KLHL26: variants seen among roughly 807,000 people sequenced by gnomAD.
KLHL26 encodes the protein kelch-like protein 26.
Under a neutral mutation model 7.1 loss-of-function variants are expected in KLHL26, and 4 were observed. The ratio of observed to expected loss-of-function variants is 0.56; its 90% CI spans 0.28 to 1.28. The LOEUF (loss-of-function observed/expected upper bound fraction) is 1.28. KLHL26 is among the 50% of genes most tolerant of loss of function. KLHL26 has a pLI of 0.11. For synonymous variants in KLHL26, 465 were observed against 414.1 expected, an observed-to-expected ratio of 1.12 and a Z score of -1.49; for missense variants, 896 against 924.6, an observed-to-expected ratio of 0.97 and a Z score of 0.40.
chr19:18,668,062 C>T lies in KLHL26; in HGVS notation c.665C>T (p.Ala222Val), dbSNP rs1331675467. ...FLQSNRLQSC[A>V]EIDLFRAAVR... Reference sequence around the variant, plus strand: ...CAGAGCAACCGGCTGCAGAGCTGTGCCGAGATCGACCTGTTCCGCGCGGCC... The same window carrying T: ...CAGAGCAACCGGCTGCAGAGCTGTGTCGAGATCGACCTGTTCCGCGCGGCC... Residue 222 changes from alanine (A) to valine (V), a missense_variant, in exon 3 of 3, where the codon GCC becomes GTC. Ala to Val is a moderately conservative substitution (Grantham distance 64). Coordinates refer to ENST00000300976, the MANE Select transcript of KLHL26 (RefSeq NM_018316.3). The T allele has an allele frequency of 1.9e-6, 3 of 1,607,172 alleles. No individual in the cohort carries two copies. In the South Asian group the frequency reaches 3.3e-5, roughly 18 times the overall value.
intron 1 of KLHL26, 27 bp from the exon 2 acceptor site, chr19:18,664,234 A>G (rs765554757): frequency 1.2e-4 from 184 of 1,570,282 alleles, no homozygotes; most frequent in Non-Finnish European, 1.6e-4. Flanking sequence ...CCTCTGGGCC[A>G]TGTCCCCACC....
intron 2 of KLHL26, among the ~76,000 whole-genome samples, chr19:18,664,905 T>C (rs763741871): frequency 6.6e-6 from 1 of 150,416 alleles, no homozygotes; most frequent in African/African-American, 2.4e-5. Flanking sequence ...TAGAGAGAGG[T>C]TTAATGTCCA....
At position 18,668,130 on chromosome 19, in the gene KLHL26, A is replaced by AGCCACGTGCTCT. The variant is rs750096401; in HGVS notation, c.739_750dup (p.Val247_His250dup). The AGCCACGTGCTCT allele has an allele frequency of 1.3e-5, 21 of 1,603,920 alleles. No homozygotes were observed. The highest frequency in any genetic ancestry group is 1.8e-5 in the Non-Finnish European group (21 of 1,178,576). On this transcript the variant is annotated inframe_insertion, in exon 3 of 3. Coordinates refer to ENST00000300976, the MANE Select transcript of KLHL26 (RefSeq NM_018316.3). ...TGACCCGGCCCGGCGGCCGCGCGCC[A>AGCCACGTGCTCT]GCCACGTGCTCTGCCACATTCGCTT...
intron 1 of KLHL26, among the ~76,000 whole-genome samples, chr19:18,662,466 G>A (rs925219181): frequency 3.3e-5 from 5 of 152,122 alleles, no homozygotes; most frequent in African/African-American, 9.7e-5. Flanking sequence ...GGCCTACTTC[G>A]TCTCATTTAC....
intron 2 of KLHL26, among the ~76,000 whole-genome samples, chr19:18,664,878 C>T (rs1029928429): frequency 2.6e-5 from 4 of 152,084 alleles, no homozygotes; most frequent in East Asian, 3.9e-4. Context: ...GCCACCGCTC[C>T]GGGCCCCTTC....
At position 18,668,803 on chromosome 19, in the gene KLHL26, G is replaced by C; in HGVS notation, c.1406G>C (p.Gly469Ala). 6.3e-7 allele frequency: 1 copy of C among 1,595,892 alleles called. No individual in the cohort carries two copies. Among genetic ancestry groups the C allele is most frequent in the Non-Finnish European group, 8.5e-7 (1 of 1,178,074 alleles). The change falls in exon 3 of 3, where the codon GGG becomes GCG. Residue 469 changes from glycine (G) to alanine (A), a missense_variant. Physicochemically the swap from Gly to Ala is moderately conservative, Grantham distance 60. Coordinates refer to ENST00000300976, the MANE Select transcript of KLHL26 (RefSeq NM_018316.3). ...GGRLYISGGY[G>A]ISVEDKKALH... ...CGCCTCTACATCTCGGGTGGCTACGGGATCTCAGTGGAGGACAAGAAGGCC... is the reference window on the plus strand; with the variant it reads ...CGCCTCTACATCTCGGGTGGCTACGCGATCTCAGTGGAGGACAAGAAGGCC...
Position 18,664,428 on chromosome 19 carries a change from G to T in KLHL26, c.251G>T (p.Cys84Phe). 6.3e-7 allele frequency: 1 copy of T among 1,586,522 alleles called. No homozygotes were observed. Reference sequence around the variant, plus strand: ...GCACACAAGGTCGTCCTGGCTGCCTGCAGCGACTACTTCAGGTAAGTGCTG... The same window carrying T: ...GCACACAAGGTCGTCCTGGCTGCCTTCAGCGACTACTTCAGGTAAGTGCTG... ...FPAHKVVLAACSDYFRAMFTG... is the reference protein window; with the variant it reads ...FPAHKVVLAAFSDYFRAMFTG... The change falls in exon 2 of 3, where the codon TGC becomes TTC. Residue 84 changes from cysteine to phenylalanine, a missense_variant. Cys to Phe is a radical substitution (Grantham distance 205). Transcript: ENST00000300976.
intron 1 of KLHL26, among the ~76,000 whole-genome samples, chr19:18,661,900 CT>C (rs1909780100): frequency 6.6e-6 from 1 of 152,018 alleles, no homozygotes; most frequent in Admixed American, 6.6e-5. Context: ...CTTTGTGCAT[CT>C]TTCGATCTCA....
In KLHL26 at chr19:18,669,002, G is replaced by C; in HGVS notation, c.1605G>C (p.Glu535Asp). The C allele has an allele frequency of 1.2e-6, 2 of 1,612,706 alleles. No homozygotes were observed. Among genetic ancestry groups the C allele is most frequent in the African/African-American group, 1.3e-5 (1 of 75,060 alleles). Residue 535 changes from glutamate (E) to aspartate (D), a missense_variant, in exon 3 of 3, where the codon GAG becomes GAC. Coordinates refer to ENST00000300976, the MANE Select transcript of KLHL26 (RefSeq NM_018316.3). ...TGGCTGTGGAGTACTATGTGCCGGA[G>C]ACGGACCAGTGGACCAGCGTGAGCC... ...DVLAVEYYVP[E>D]TDQWTSVSPM...
Position 18,669,586 on chromosome 19 carries a change from C to T in KLHL26, c.*341C>T. 3 of 509,628 alleles carry T rather than the reference C, an allele frequency of 5.9e-6. No individual in the cohort carries two copies. Among genetic ancestry groups the T allele is most frequent in the Admixed American group, 3.7e-5 (1 of 26,954 alleles). 31.6% of individuals were successfully genotyped at this position (509,628 alleles called of 1,614,324 possible). On this transcript the variant is annotated 3_prime_UTR_variant, in exon 3 of 3. Transcript: ENST00000300976. ...GGGGTCCCTGTGCAGCTCCATCTCA[C>T]TTCTCTACTGCCTCCCAGCCCCACG...
chr19:18,668,272 T>G lies in KLHL26; in HGVS notation c.875T>G (p.Phe292Cys). The G allele has an allele frequency of 3.1e-6, 5 of 1,611,846 alleles. No individual in the cohort carries two copies. Among genetic ancestry groups the G allele is most frequent in the Non-Finnish European group, 2.5e-6 (3 of 1,179,808 alleles). The change falls in exon 3 of 3, where the codon TTC becomes TGC. Residue 292 changes from phenylalanine to cysteine, a missense_variant. Phe to Cys is a radical substitution (Grantham distance 205). Coordinates refer to ENST00000300976, the MANE Select transcript of KLHL26 (RefSeq NM_018316.3). The part of the protein sequence containing the change: ...LEAFNYQVLP[F>C]RQHEMQSPRT... The stretch of plus-strand genomic sequence containing the variant: ...GCCTTCAACTACCAGGTGCTGCCCT[T>G]CCGGCAGCACGAGATGCAGTCTCCG...
chr19:18,658,120 C>CG (rs2052352946), intron 1 of KLHL26, among the ~76,000 whole-genome samples: 1 of 63,672 alleles, frequency 1.6e-5, no homozygotes, highest in Non-Finnish European at 3.1e-5. Context: ...GTGGGGGTGG[C>CG]GGGGGAGCAG....
Position 18,640,728 on chromosome 19 carries a change from G to A in KLHL26, c.83+3591G>A, listed in dbSNP as rs367954795. ...TAATTTTTGTATTTTTAGTAGAGACGGGGTTTTGCCATGTTGGCCAGACTG... is the reference window on the plus strand; with the variant it reads ...TAATTTTTGTATTTTTAGTAGAGACAGGGTTTTGCCATGTTGGCCAGACTG... On this transcript the variant is annotated intron_variant, in intron 1 of 2. Transcript: ENST00000300976. Among the ~76,000 whole-genome samples the A allele has an allele frequency of 7.6e-4, 114 of 150,464 alleles. 1 individual carries two copies. In the East Asian group the frequency reaches 0.013, roughly 18 times the overall value.
In KLHL26 at chr19:18,668,765, C is replaced by A. The variant is rs373359531; in HGVS notation, c.1368C>A (p.Ala456=). 2 of 1,592,032 alleles carry A rather than the reference C, an allele frequency of 1.3e-6. No homozygotes were observed. The highest frequency in any genetic ancestry group is 1.1e-5 in the South Asian group (1 of 89,990). ...LKRRTWGHAG[A]ASGGRLYISG... is the part of the protein sequence containing the mutation. The stretch of plus-strand genomic sequence containing the variant: ...GCCGTACCTGGGGCCATGCTGGGGC[C>A]GCCTCAGGGGGCCGCCTCTACATCT... The change falls in exon 3 of 3, where the codon GCC becomes GCA. Residue 456 remains alanine (A), a synonymous_variant. Coordinates refer to ENST00000300976, the MANE Select transcript of KLHL26 (RefSeq NM_018316.3).
At chr19:18,660,036 G>T (rs531321481) in intron 1 of KLHL26, among the ~76,000 whole-genome samples, 1 of 152,348 alleles carries the variant, frequency 6.6e-6, no homozygotes, top group Admixed American at 6.5e-5. Flanking sequence ...TCAGTAGTGA[G>T]CAGGTGGTCC....
At position 18,650,097 on chromosome 19, in the gene KLHL26, G is replaced by A. The variant is rs1198114965; in HGVS notation, c.83+12960G>A. ...AGGGGTGGACCTTCAGGCTTGTAAA[G>A]GCCTGGAGGGGGGTCACCCGAGGAT... is the stretch of plus-strand genomic sequence containing the variant. On this transcript the variant is annotated intron_variant, in intron 1 of 2. Transcript: ENST00000300976. The surrounding 1 kb of genome is among the most constrained non-coding windows in gnomAD (Gnocchi z 4.2). 6.6e-6 allele frequency among the ~76,000 whole-genome samples: 1 copy of A among 152,230 alleles called. No individual in the cohort carries two copies. The highest frequency in any genetic ancestry group is 2.4e-5 in the African/African-American group (1 of 41,466).
rs2052483316 is a variant in KLHL26, at chr19:18,668,525, C to T, written c.1128C>T (p.Gly376=). 1.9e-6 allele frequency: 3 copies of T among 1,598,352 alleles called. No homozygotes were observed. Among genetic ancestry groups the T allele is most frequent in the Non-Finnish European group, 1.7e-6 (2 of 1,174,696 alleles). ...AGGQHLQYRS[G]EGAVDACYRY... is the part of the protein sequence containing the mutation. ...GGCAGCACCTGCAGTACCGCAGCGG[C>T]GAGGGCGCAGTGGACGCCTGCTACC... The change falls in exon 3 of 3, where the codon GGC becomes GGT. Residue 376 remains glycine, a synonymous_variant. Transcript: ENST00000300976.
Position 18,668,945 on chromosome 19 carries a change from C to T in KLHL26, c.1548C>T (p.Arg516=). ...AGGRIYALGG[R]MDHVDRCFDV... ...GCCGCATCTATGCCCTCGGGGGCCGCATGGACCACGTGGACCGCTGCTTCG... is the reference window on the plus strand; with the variant it reads ...GCCGCATCTATGCCCTCGGGGGCCGTATGGACCACGTGGACCGCTGCTTCG... The change falls in exon 3 of 3, where the codon CGC becomes CGT. Residue 516 remains arginine (R), a synonymous_variant. Coordinates refer to ENST00000300976, the MANE Select transcript of KLHL26 (RefSeq NM_018316.3). 6.2e-7 allele frequency: 1 copy of T among 1,610,556 alleles called. No homozygotes were observed. The highest frequency in any genetic ancestry group is 8.5e-7 in the Non-Finnish European group (1 of 1,179,892).
At chr19:18,662,260 C>T (rs1000100033) in intron 1 of KLHL26, among the ~76,000 whole-genome samples, 1 of 152,134 alleles carries the variant, frequency 6.6e-6, no homozygotes, top group Non-Finnish European at 1.5e-5. Flanking sequence ...AAGGAAAAAC[C>T]AGACCAAAAT....
Sources: allele counts gnomAD v4.1 joint callset (sites outside exome capture counted in the v4.1 genomes callset), GRCh38; gene constraint gnomAD v4.1.1; non-coding constraint Gnocchi (gnomAD v3.1); transcripts MANE v1.5; gene names NCBI Gene and HGNC (gene_info 2026-07-23, HGNC 2026-07-21).